MEF2C: variants seen among roughly 807,000 people sequenced by gnomAD.
MEF2C encodes the protein myocyte-specific enhancer factor 2C.
In MEF2C, 6 loss-of-function variants were observed where a neutral mutation model predicts 50.5. The ratio of observed to expected loss-of-function variants is 0.12; its 90% CI spans 0.07 to 0.23. The LOEUF (loss-of-function observed/expected upper bound fraction) is 0.23. Ranked by LOEUF, MEF2C falls within the 10% of genes least tolerant of loss-of-function variation. The pLI is 1.00. For missense variants in MEF2C, 276 were observed against 605.0 expected (o/e 0.46, Z 5.70); for synonymous variants, 183 against 228.0 (o/e 0.80, Z 1.78).
intron 1 of MEF2C, among the ~76,000 whole-genome samples, chr5:88,900,232 C>A (rs1245296966): frequency 1.3e-5 from 2 of 151,418 alleles, no homozygotes; most frequent in Non-Finnish European, 3.0e-5. Context: ...TATAAATAGA[C>A]CATATTTACT....
chr5:88,722,708 G>A lies in MEF2C; in HGVS notation c.1318C>T (p.Arg440Trp). The change falls in exon 11 of 11, where the codon CGG (arginine) becomes TGG (tryptophan). Residue 440 changes from arginine (R) to tryptophan (W), a missense_variant. Physicochemically the swap from Arg to Trp is moderately radical, Grantham distance 101. Transcript: ENST00000504921. ...CCAATGGGGGAGTGGAATTCGTTCC[G>A]GTGATCCTCTCGGTCGCTCCCGTCG... Reference protein sequence around the residue: ...SYDGSDREDHRNEFHSPIGLT... With the variant: ...SYDGSDREDHWNEFHSPIGLT... 3 of 1,613,948 alleles carry A rather than the reference G, an allele frequency of 1.9e-6. No homozygotes were observed. The highest frequency in any genetic ancestry group is 2.5e-6 in the Non-Finnish European group (3 of 1,179,888).
In MEF2C at chr5:88,899,069, C is replaced by CA. The variant is rs557839447; in HGVS notation, c.-240+4846dup. On this transcript the variant is annotated intron_variant, in intron 1 of 11. Transcript: ENST00000340208. ...AAATTAAAAATATTAAATGACCATT[C>CA]AGTACTTTTTTGTCAATTCAGCCTT... 9.1e-4 allele frequency among the ~76,000 whole-genome samples: 139 copies of CA among 152,174 alleles called. 3 individuals are homozygous for CA. The highest frequency in any genetic ancestry group is 9.1e-3 in the Admixed American group (139 of 15,274).
intron 6 of MEF2C, chr5:88,741,473 T>C: frequency 1.0e-6 from 1 of 985,422 alleles, no homozygotes; most frequent in South Asian, 4.7e-5. Flanking sequence ...AATATCTGCC[T>C]CTGGAATCTT....
intron 1 of MEF2C, among the ~76,000 whole-genome samples, chr5:88,848,441 T>C (rs959726650): frequency 1.3e-5 from 2 of 152,216 alleles, no homozygotes; most frequent in South Asian, 2.1e-4. Context: ...TTTTCACACA[T>C]TTCTATCTCT....
chr5:88,895,076 ATG>A (rs545911935), intron 1 of MEF2C, among the ~76,000 whole-genome samples: 50 of 152,306 alleles, frequency 3.3e-4, no homozygotes, highest in Middle Eastern at 3.4e-3. Context: ...TTCTCAATAA[ATG>A]TTAGCTATTA....
At chr5:88,734,729 T>C (rs1763411368) in intron 6 of MEF2C, 1 of 983,520 alleles carries the variant, frequency 1.0e-6, no homozygotes, top group African/African-American at 1.7e-5. Context: ...TTTCATTCAG[T>C]AAATACCTCA....
At chr5:88,802,006 A>G (rs1267831688) in intron 3 of MEF2C, among the ~76,000 whole-genome samples, 1 of 152,222 alleles carries the variant, frequency 6.6e-6, no homozygotes, top group Non-Finnish European at 1.5e-5. Flanking sequence ...TGCATAATTC[A>G]GGGAGTTGAA....
chr5:88,832,306 A>G (rs1813367961), intron 1 of MEF2C, among the ~76,000 whole-genome samples: 1 of 152,142 alleles, frequency 6.6e-6, no homozygotes, highest in Admixed American at 6.6e-5. Context: ...ATGATCTTTT[A>G]ATAGAAATTC....
At chr5:88,753,781 G>A (rs573149600) in intron 4 of MEF2C, among the ~76,000 whole-genome samples, 144 of 152,306 alleles carry the variant, frequency 9.5e-4, no homozygotes, top group African/African-American at 3.3e-3. Flanking sequence ...ACAGTAAACA[G>A]GGGAAATAAT....
chr5:88,800,692 C>T (rs780408224), intron 3 of MEF2C, among the ~76,000 whole-genome samples: 9 of 152,074 alleles, frequency 5.9e-5, no homozygotes, highest in African/African-American at 7.2e-5. Flanking sequence ...TAATGCCATC[C>T]GAACTGAATT....
chr5:88,849,935 T>G (rs763450836), intron 1 of MEF2C, among the ~76,000 whole-genome samples: 15 of 152,212 alleles, frequency 9.9e-5, no homozygotes, highest in Non-Finnish European at 2.1e-4. Context: ...AAAATTTATT[T>G]TTTTTGTTTG....
At chr5:88,761,535 G>C (rs1244480841) in intron 3 of MEF2C, among the ~76,000 whole-genome samples, 1 of 152,202 alleles carries the variant, frequency 6.6e-6, no homozygotes, top group Non-Finnish European at 1.5e-5. Flanking sequence ...GATTCCTCTT[G>C]CAACTAAATT....
chr5:88,811,152 C>T (rs781190311), intron 2 of MEF2C, among the ~76,000 whole-genome samples: 2 of 152,022 alleles, frequency 1.3e-5, no homozygotes, highest in Non-Finnish European at 2.9e-5. Flanking sequence ...AGAGCATCTA[C>T]AGGATGGTAA....
intron 2 of MEF2C, among the ~76,000 whole-genome samples, chr5:88,820,684 C>T (rs1475390998): frequency 1.3e-5 from 2 of 152,014 alleles, no homozygotes; most frequent in African/African-American, 4.8e-5. Flanking sequence ...TACAGTGGGG[C>T]AGCTTCAAAG....
chr5:88,734,374 C>T, intron 6 of MEF2C: 1 of 985,118 alleles, frequency 1.0e-6, no homozygotes, highest in Non-Finnish European at 1.2e-6. Flanking sequence ...TTAAGCAGTG[C>T]AATGAAGCTT....
intron 1 of MEF2C, among the ~76,000 whole-genome samples, chr5:88,854,165 C>T (rs981462607): frequency 6.6e-6 from 1 of 152,182 alleles, no homozygotes; most frequent in Non-Finnish European, 1.5e-5. Flanking sequence ...ATCTATGAGA[C>T]TTCTAAATCT....
chr5:88,844,232 T>C (rs538742487), intron 1 of MEF2C, among the ~76,000 whole-genome samples: 1 of 152,326 alleles, frequency 6.6e-6, no homozygotes, highest in East Asian at 1.9e-4. Flanking sequence ...TGATTATACT[T>C]CATATTATAT....
At chr5:88,775,873 A>ATTT in intron 3 of MEF2C, 1 of 942,322 alleles carries the variant, frequency 1.1e-6, no homozygotes, top group East Asian at 1.2e-4. Context: ...TTATTTTTTT[A>ATTT]TCTCATTTTG....
intron 1 of MEF2C, among the ~76,000 whole-genome samples, chr5:88,857,712 T>C (rs1467245415): frequency 6.6e-6 from 1 of 152,232 alleles, no homozygotes; most frequent in Non-Finnish European, 1.5e-5. Context: ...CAAAACTTAT[T>C]CCCTCTCCTG....
Sources: allele counts gnomAD v4.1 joint callset (sites outside exome capture counted in the v4.1 genomes callset), GRCh38; gene constraint gnomAD v4.1.1; transcripts MANE v1.5; gene names NCBI Gene and HGNC (gene_info 2026-07-23, HGNC 2026-07-21).